The following PXN variants were observed in gnomAD, a reference collection of about 807,000 sequenced individuals.
PXN encodes the protein paxillin, also known as testicular tissue protein Li 134.
In PXN, 61 loss-of-function variants were observed where a neutral mutation model predicts 103.6. The ratio of observed to expected loss-of-function variants is 0.59; its 90% CI spans 0.48 to 0.73. The LOEUF (loss-of-function observed/expected upper bound fraction) is 0.73. Among genes scored for constraint, PXN ranks in the 30% least tolerant of loss-of-function variants. The pLI is 0.00. For synonymous variants in PXN, 562 were observed against 607.8 expected (o/e 0.92, Z 1.11); for missense variants, 1,274 against 1,460.3 (o/e 0.87, Z 2.08).
intron 1 of PXN, chr12:120,226,911 C>A (rs1177004932): frequency 1.0e-6 from 1 of 992,598 alleles, no homozygotes; most frequent in Non-Finnish European, 1.2e-6. Context: ...TTGCAAATAT[C>A]AGGCTCTCCA....
chr12:120,223,320 GC>G (rs1458128905), intron 3 of PXN, among the ~76,000 whole-genome samples: 1 of 152,130 alleles, frequency 6.6e-6, no homozygotes, highest in Non-Finnish European at 1.5e-5. Flanking sequence ...TGTAGTCCCA[GC>G]TACTTGGGAG....
chr12:120,236,245 G>A (rs531877438), intron 1 of PXN, among the ~76,000 whole-genome samples: 24 of 152,372 alleles, frequency 1.6e-4, no homozygotes, highest in Middle Eastern at 6.8e-3. Context: ...CGACCCTGAC[G>A]TGCAATCTGC....
At position 120,224,536 on chromosome 12, in the gene PXN, C is replaced by T. The variant is rs1886265710; in HGVS notation, c.14-159G>A. On this transcript the variant is annotated intron_variant, in intron 1 of 14. Transcript: ENST00000637617. The surrounding 1 kb of genome is among the most constrained non-coding windows in gnomAD (Gnocchi z 5.0). The stretch of plus-strand genomic sequence containing the variant: ...CCTTGGGACAGGAAGCCACCAGCCC[C>T]GACCAGCCTAACCAAGAGCCGGCTC... 6.8e-6 allele frequency: 5 copies of T among 734,616 alleles called. No homozygotes were observed. The highest frequency in any genetic ancestry group is 1.7e-5 in the African/African-American group (1 of 58,134). The allele number at this position is 734,616 out of a possible 1,614,324, so 45.5% of individuals were successfully genotyped here.
Position 120,219,846 on chromosome 12 carries a change from G to A in PXN, c.1077C>T (p.Asp359=). The A allele has an allele frequency of 6.3e-7, 1 of 1,598,452 alleles. No individual in the cohort carries two copies. Among genetic ancestry groups the A allele is most frequent in the Non-Finnish European group, 8.5e-7 (1 of 1,179,810 alleles). ...CAGAGGGAGACCTTGAGTTGAAGGT[G>A]TCAGGCATCACCCCAAGACCAGCCA... The part of the protein sequence containing the change: ...LDLAGLGVMP[D]TFNSRSPSVE... The change falls in exon 7 of 15, where the codon GAC becomes GAT. Residue 359 remains aspartate (D), a synonymous_variant. Transcript: ENST00000637617. This position sits in a 1 kb window ranked among gnomAD's most constrained non-coding sequence, Gnocchi z 6.5.
rs780536038 is a variant in PXN, at chr12:120,220,580, T to C, written c.832-489A>G. ...TGACTAAAACCACTGCTGCTTCTCC[T>C]GGCATCAGGACACAGGCTGTCTGAG... On this transcript the variant is annotated intron_variant, in intron 6 of 14. Transcript: ENST00000637617. The surrounding 1 kb of genome is among the most constrained non-coding windows in gnomAD (Gnocchi z 6.1). Among the ~76,000 whole-genome samples, 1 of 152,208 alleles carries C rather than the reference T, an allele frequency of 6.6e-6. No homozygotes were observed. Among genetic ancestry groups the C allele is most frequent in the Non-Finnish European group, 1.5e-5 (1 of 68,032 alleles).
chr12:120,240,994 C>A (rs1367737948), intron 1 of PXN, among the ~76,000 whole-genome samples: 5 of 152,142 alleles, frequency 3.3e-5, no homozygotes, highest in Admixed American at 6.5e-5. Context: ...GAAGAGAGCC[C>A]CCCAAGGGAG....
intron 1 of PXN, among the ~76,000 whole-genome samples, chr12:120,262,069 G>C (rs1339073931): frequency 1.3e-5 from 2 of 152,210 alleles, no homozygotes; most frequent in Non-Finnish European, 2.9e-5. Context: ...CTAACACACA[G>C]AGGGACCACA....
At position 120,215,700 on chromosome 12, in the gene PXN, T is replaced by C. The variant is rs1188673106; in HGVS notation, c.2302-39A>G. On this transcript the variant is annotated intron_variant, in intron 9 of 14. Coordinates refer to ENST00000637617, the MANE Select transcript of PXN (RefSeq NM_001385981.1). The surrounding 1 kb of genome is among the most constrained non-coding windows in gnomAD (Gnocchi z 4.9). The stretch of plus-strand genomic sequence containing the variant: ...AGAGATGAGGGTAAGAAATCTTTTT[T>C]AAAAATTAAGAAAGAATACAAGACC... The C allele has an allele frequency of 1.9e-6, 3 of 1,562,622 alleles. No individual in the cohort carries two copies. Among genetic ancestry groups the C allele is most frequent in the African/African-American group, 1.4e-5 (1 of 72,456 alleles).
rs1489930336 is a variant in PXN, at chr12:120,224,368, A to G, written c.23T>C (p.Leu8Pro). The change falls in exon 2 of 15, where the codon CTG becomes CCG. Residue 8 changes from leucine (L) to proline (P), a missense_variant. By Grantham distance (98) the Leu-to-Pro change is moderately conservative. Around this residue, in one of 2 missense-constraint regions of PXN, gnomAD observed 1,178 missense variants for 1,309.0 expected, o/e 0.90. Transcript: ENST00000637617. This position sits in a 1 kb window ranked among gnomAD's most constrained non-coding sequence, Gnocchi z 5.0. Reference sequence around the variant, plus strand: ...GGAGGTGGTAGACTCCAAGTCCGCCAGCAGGGCGTCTGCAAAGAGAAGGCA... The same window carrying G: ...GGAGGTGGTAGACTCCAAGTCCGCCGGCAGGGCGTCTGCAAAGAGAAGGCA... MDDLDAL[L>P]ADLESTTSHI... 6.2e-7 allele frequency: 1 copy of G among 1,613,816 alleles called. No individual in the cohort carries two copies. The highest frequency in any genetic ancestry group is 8.5e-7 in the Non-Finnish European group (1 of 1,179,772).
In PXN at chr12:120,221,832, C is replaced by A; in HGVS notation, c.696-74G>T. ...CTTCCCGGGGATCAGATCGACCTCT[C>A]ACCTCGGACACTGGGGTCTCACCAT... On this transcript the variant is annotated intron_variant, in intron 5 of 14. Transcript: ENST00000637617. This position sits in a 1 kb window ranked among gnomAD's most constrained non-coding sequence, Gnocchi z 6.6. The A allele has an allele frequency of 6.8e-7, 1 of 1,481,294 alleles. No individual in the cohort carries two copies. Among genetic ancestry groups the A allele is most frequent in the South Asian group, 1.3e-5 (1 of 76,382 alleles). The allele number at this position is 1,481,294 out of a possible 1,614,324, so 91.8% of individuals were successfully genotyped here.
At position 120,219,899 on chromosome 12, in the gene PXN, G is replaced by A. The variant is rs1473484163; in HGVS notation, c.1024C>T (p.Pro342Ser). 6.3e-7 allele frequency: 1 copy of A among 1,598,416 alleles called. No homozygotes were observed. Among genetic ancestry groups the A allele is most frequent in the African/African-American group, 1.3e-5 (1 of 75,058 alleles). ...TCAAGCCAGCTGGGGGCTACAGGAG[G>A]TAGAAGGCCTCGTCCACTCTGCTCA... is the stretch of plus-strand genomic sequence containing the variant. ...CTEQSGRGLL[P>S]PVAPSWLDLA... Residue 342 changes from proline to serine, a missense_variant, in exon 7 of 15, where the codon CCT becomes TCT. Around this residue, in one of 2 missense-constraint regions of PXN, gnomAD observed 1,178 missense variants for 1,309.0 expected, o/e 0.90. Transcript: ENST00000637617. This position sits in a 1 kb window ranked among gnomAD's most constrained non-coding sequence, Gnocchi z 6.5.
intron 1 of PXN, among the ~76,000 whole-genome samples, chr12:120,243,533 T>C (rs896506977): frequency 1.3e-5 from 2 of 152,108 alleles, no homozygotes; most frequent in Non-Finnish European, 2.9e-5. Context: ...CTACAAAAAA[T>C]TTTTAAAAAT....
chr12:120,235,674 C>T (rs1888897385), intron 1 of PXN, among the ~76,000 whole-genome samples: 1 of 152,098 alleles, frequency 6.6e-6, no homozygotes, highest in Non-Finnish European at 1.5e-5. Context: ...TTCTTTCTGC[C>T]TCCTCCTCAC....
At chr12:120,244,520 C>T (rs573862857) in intron 1 of PXN, among the ~76,000 whole-genome samples, 3 of 151,924 alleles carry the variant, frequency 2.0e-5, no homozygotes, top group African/African-American at 4.8e-5. Context: ...TGGTGGCGGG[C>T]GCCTGTAGTC....
chr12:120,216,629 C>T lies in PXN; in HGVS notation c.1993-48G>A. On this transcript the variant is annotated intron_variant, in intron 8 of 14. Coordinates refer to ENST00000637617, the MANE Select transcript of PXN (RefSeq NM_001385981.1). This position sits in a 1 kb window ranked among gnomAD's most constrained non-coding sequence, Gnocchi z 5.1. Reference sequence around the variant, plus strand: ...AGCGATGAGGAAGAAATCGCCAGCTCAGCCCACAGGGGTGGCGGGACCTCC... The same window carrying T: ...AGCGATGAGGAAGAAATCGCCAGCTTAGCCCACAGGGGTGGCGGGACCTCC... The T allele has an allele frequency of 6.5e-7, 1 of 1,530,570 alleles. No individual in the cohort carries two copies. The highest frequency in any genetic ancestry group is 8.7e-7 in the Non-Finnish European group (1 of 1,155,900). The allele number at this position is 1,530,570 out of a possible 1,614,324, so 94.8% of individuals were successfully genotyped here. A position where few individuals can be genotyped will look rare whatever the true frequency, so the allele number is the denominator to read the frequency against.
In PXN at chr12:120,217,369, T is replaced by C. The variant is rs577116905; in HGVS notation, c.1717-253A>G. On this transcript the variant is annotated intron_variant, in intron 7 of 14. Coordinates refer to ENST00000637617, the MANE Select transcript of PXN (RefSeq NM_001385981.1). This position sits in a 1 kb window ranked among gnomAD's most constrained non-coding sequence, Gnocchi z 4.1. The stretch of plus-strand genomic sequence containing the variant: ...AGACCTCTGACCCAGCATTCACCTC[T>C]AAGTTGGCCACTGACCTTGGGCAAG... Among the ~76,000 whole-genome samples, 1 of 152,210 alleles carries C rather than the reference T, an allele frequency of 6.6e-6. No homozygotes were observed. Among genetic ancestry groups the C allele is most frequent in the South Asian group, 2.1e-4 (1 of 4,828 alleles).
chr12:120,257,952 G>A (rs995894955), intron 1 of PXN, among the ~76,000 whole-genome samples: 13 of 152,162 alleles, frequency 8.5e-5, no homozygotes, highest in African/African-American at 3.1e-4. Context: ...CAGCACTTTG[G>A]GAGGCCAAGG....
In PXN at chr12:120,220,036, G is replaced by A. The variant is rs763507187; in HGVS notation, c.887C>T (p.Ser296Phe). 7 of 1,506,032 alleles carry A rather than the reference G, an allele frequency of 4.6e-6. No individual in the cohort carries two copies. Among genetic ancestry groups the A allele is most frequent in the Non-Finnish European group, 5.4e-6 (6 of 1,107,666 alleles). The allele number at this position is 1,506,032 out of a possible 1,614,324, so 93.3% of individuals were successfully genotyped here. Residue 296 changes from serine to phenylalanine, a missense_variant, in exon 7 of 15, where the codon TCC becomes TTC. Transcript: ENST00000637617. This position sits in a 1 kb window ranked among gnomAD's most constrained non-coding sequence, Gnocchi z 6.1. ...SAPGLSSSAPSSYCSLPPSPP... is the reference protein window; with the variant it reads ...SAPGLSSSAPFSYCSLPPSPP... ...AGAAGGAGGAAGGGAGCAGTATGAG[G>A]ACGGAGCAGAGCTGGACAGCCCCGG... is the stretch of plus-strand genomic sequence containing the variant.
At chr12:120,233,132 C>T (rs1888380853) in intron 1 of PXN, among the ~76,000 whole-genome samples, 1 of 152,192 alleles carries the variant, frequency 6.6e-6, no homozygotes, top group African/African-American at 2.4e-5. Context: ...AGCCCCCTGC[C>T]CTGGGTTCTC....
Sources: allele counts gnomAD v4.1 joint callset (sites outside exome capture counted in the v4.1 genomes callset), GRCh38; gene constraint gnomAD v4.1.1; regional missense constraint gnomAD v4.1.1; non-coding constraint Gnocchi (gnomAD v3.1); transcripts MANE v1.5; gene names NCBI Gene and HGNC (gene_info 2026-07-23, HGNC 2026-07-21).